SPATA22: variants seen among roughly 807,000 people sequenced by gnomAD.
The protein encoded by SPATA22 is spermatogenesis-associated protein 22.
A neutral mutation model predicts 47.8 loss-of-function variants in SPATA22; 29 were observed. That is an observed-to-expected ratio of 0.61 (90% CI 0.45 to 0.83). The LOEUF is 0.83. SPATA22 is among the 40% of genes least tolerant of loss of function. The probability of loss-of-function intolerance (pLI) is 0.00; values close to 1 mark genes in which losing one functional copy is unlikely to be tolerated. For synonymous variants in SPATA22, 133 were observed against 140.9 expected (o/e 0.94, Z 0.40); for missense variants, 410 against 421.7 (o/e 0.97, Z 0.24).
chr17:3,458,296 T>G (rs1326828672), intron 5 of SPATA22, among the ~76,000 whole-genome samples: 1 of 152,138 alleles, frequency 6.6e-6, no homozygotes, highest in Non-Finnish European at 1.5e-5. Flanking sequence ...CTTGTTAGGA[T>G]AGCTGTCATC....
At position 3,440,026 on chromosome 17, in the gene SPATA22, G is replaced by A; in HGVS notation, c.*121C>T. 3.3e-6 allele frequency: 2 copies of A among 608,730 alleles called. No homozygotes were observed. Among genetic ancestry groups the A allele is most frequent in the Admixed American group, 3.7e-5 (1 of 26,950 alleles). 37.7% of individuals were successfully genotyped at this position (608,730 alleles called of 1,614,324 possible). A position where few individuals can be genotyped will look rare whatever the true frequency, so the allele number is the denominator to read the frequency against. On this transcript the variant is annotated 3_prime_UTR_variant, in exon 9 of 9. Transcript: ENST00000572969. ...TCAAAAACTCTTTCCACATTTAAAA[G>A]AATTCAAATACTTTAATTCAACAAG...
chr17:3,443,144 C>T lies in SPATA22; in HGVS notation c.900+30G>A, dbSNP rs774022740. Reference sequence around the variant, plus strand: ...CATGTTTATATTCTGTTGACATAGGCTTCGCAAAGAGTACTTTAAAAATAC... The same window carrying T: ...CATGTTTATATTCTGTTGACATAGGTTTCGCAAAGAGTACTTTAAAAATAC... On this transcript the variant is annotated intron_variant, in intron 8 of 8. Coordinates refer to ENST00000572969, the MANE Select transcript of SPATA22 (RefSeq NM_001170698.2). The T allele has an allele frequency of 3.4e-6, 5 of 1,455,864 alleles. No homozygotes were observed. In the South Asian group the frequency reaches 3.6e-5, roughly 10 times the overall value. 90.2% of individuals were successfully genotyped at this position (1,455,864 alleles called of 1,614,324 possible).
chr17:3,504,706 C>T (rs912922241), intron 1 of SPATA22, among the ~76,000 whole-genome samples: 3 of 152,072 alleles, frequency 2.0e-5, no homozygotes, highest in East Asian at 3.9e-4. Context: ...TATAGGCATG[C>T]GCCACCACGC....
intron 5 of SPATA22, among the ~76,000 whole-genome samples, chr17:3,458,857 A>C: frequency 1.1e-5 from 1 of 88,274 alleles, no homozygotes; most frequent in Non-Finnish European, 2.2e-5. Flanking sequence ...AAACTTCACA[A>C]AAAAAAAAAA....
chr17:3,484,931 C>A (rs140206258), intron 1 of SPATA22, among the ~76,000 whole-genome samples: 41 of 152,266 alleles, frequency 2.7e-4, no homozygotes, highest in Admixed American at 4.6e-4. Context: ...CTTCTGCAGG[C>A]TGATAATGTA....
intron 1 of SPATA22, among the ~76,000 whole-genome samples, chr17:3,509,642 T>G (rs564059208): frequency 6.6e-6 from 1 of 152,354 alleles, no homozygotes; most frequent in African/African-American, 2.4e-5. Flanking sequence ...GCATGTGTCT[T>G]TATAGTAGAA....
At chr17:3,455,144 G>GTT (rs797011897) in intron 5 of SPATA22, among the ~76,000 whole-genome samples, 4 of 150,566 alleles carry the variant, frequency 2.7e-5, no homozygotes, top group Admixed American at 6.6e-5. Flanking sequence ...TTTTGATGGG[G>GTT]TTTTTTTTTC....
rs534019623 is a variant in SPATA22, at chr17:3,483,412, G to A, written c.-73-14014C>T. On this transcript the variant is annotated intron_variant, in intron 1 of 8. Transcript: ENST00000541913. ...CCAATCTTAGTTGATGAAGTAAAAC[G>A]TATTGAAGGTATTATTGACTCTGTT... 2.3e-4 allele frequency: 252 copies of A among 1,096,304 alleles called. 5 individuals are homozygous for A. The African/African-American group carries it at 2.5e-3, about 11-fold the overall frequency. 67.9% of individuals were successfully genotyped at this position (1,096,304 alleles called of 1,614,324 possible).
chr17:3,482,303 G>C (rs145607908), intron 1 of SPATA22, among the ~76,000 whole-genome samples: 1 of 151,974 alleles, frequency 6.6e-6, no homozygotes, highest in South Asian at 2.1e-4. Context: ...TCCTGCCCTC[G>C]TCCCCATTTG....
chr17:3,473,334 A>G (rs548901038), upstream of SPATA22, among the ~76,000 whole-genome samples: 7 of 152,306 alleles, frequency 4.6e-5, no homozygotes, highest in African/African-American at 1.7e-4. Flanking sequence ...ACATCACATT[A>G]TGTATGAGAC....
intron 2 of SPATA22, 152 bp downstream of exon 2, chr17:3,469,131 G>C (rs369831486): frequency 2.2e-6 from 1 of 454,650 alleles, no homozygotes; most frequent in South Asian, 6.0e-5. Context: ...GTTTTGTCTT[G>C]AGTAAGTTAT....
upstream of SPATA22, chr17:3,475,684 G>A (rs948508441): frequency 1.8e-4 from 32 of 177,274 alleles, 1 homozygote; most frequent in South Asian, 3.8e-3. Context: ...TTTCAGAGAA[G>A]AAATGTTTTG....
chr17:3,474,325 A>T (rs2073490074), upstream of SPATA22, among the ~76,000 whole-genome samples: 1 of 152,254 alleles, frequency 6.6e-6, no homozygotes, highest in Non-Finnish European at 1.5e-5. Flanking sequence ...AATGCAAGTC[A>T]TTTGTGCCAG....
At chr17:3,477,080 G>A (rs538167612) in intron 1 of SPATA22, among the ~76,000 whole-genome samples, 30 of 151,988 alleles carry the variant, frequency 2.0e-4, no homozygotes, top group Admixed American at 1.6e-3. Context: ...GCGTGAACCC[G>A]GGAGGCGGAG....
At chr17:3,455,409 T>C (rs2150711626) in intron 5 of SPATA22, among the ~76,000 whole-genome samples, 1 of 151,096 alleles carries the variant, frequency 6.6e-6, no homozygotes, top group Middle Eastern at 3.4e-3. Context: ...GGTTTTCTTC[T>C]AGGGTTTTTA....
intron 2 of SPATA22, chr17:3,468,860 TC>T: frequency 3.2e-6 from 3 of 931,758 alleles, no homozygotes; most frequent in Non-Finnish European, 3.8e-6. Flanking sequence ...GCATCATCAT[TC>T]CCCTGGTTCT....
chr17:3,443,712 G>A (rs1298837019), intron 7 of SPATA22, among the ~76,000 whole-genome samples: 1 of 151,910 alleles, frequency 6.6e-6, no homozygotes, highest in African/African-American at 2.4e-5. Flanking sequence ...CTAATATTTT[G>A]TGACTTTGAG....
chr17:3,448,685 C>T (rs975936120), intron 6 of SPATA22, 122 bp downstream of exon 6: 7 of 694,778 alleles, frequency 1.0e-5, no homozygotes, highest in African/African-American at 1.8e-5. Flanking sequence ...AATATTTATG[C>T]TAATCAAGTA....
chr17:3,510,667 T>G (rs2074100224), intron 1 of SPATA22: 1 of 152,200 alleles, frequency 6.6e-6, no homozygotes, highest in Non-Finnish European at 1.5e-5. Context: ...TCCGGCACAT[T>G]CAAGGGAGAA....
Sources: gnomAD v4.1 joint callset for allele counts (sites outside exome capture counted in the v4.1 genomes callset) on GRCh38, gnomAD v4.1.1 for gene constraint, MANE v1.5 for transcripts, NCBI Gene and HGNC (gene_info 2026-07-23, HGNC 2026-07-21) for gene names.